Variants in TMEM135 observed in about 807,000 individuals in gnomAD.
TMEM135 encodes the protein peroxisomal membrane protein 52.
Under a neutral mutation model 60.3 loss-of-function variants are expected in TMEM135, and 30 were observed. The observed-to-expected ratio is 0.50, with a 90% CI of 0.37 to 0.68. The LOEUF is 0.68. Among genes scored for constraint, TMEM135 ranks in the 30% least tolerant of loss-of-function variants. The probability of loss-of-function intolerance (pLI) is 0.00; values close to 1 mark genes in which losing one functional copy is unlikely to be tolerated. For missense variants in TMEM135, 468 were observed against 548.8 expected, an observed-to-expected ratio of 0.85 and a Z score of 1.47; for synonymous variants, 190 against 186.7, an observed-to-expected ratio of 1.02 and a Z score of -0.14.
intron 4 of TMEM135, among the ~76,000 whole-genome samples, chr11:87,117,158 A>T (rs549205188): frequency 5.3e-5 from 8 of 152,190 alleles, no homozygotes; most frequent in African/African-American, 1.2e-4. Flanking sequence ...CACATTAATT[A>T]AAAAAAACTT....
chr11:87,120,398 G>T (rs552858564), intron 4 of TMEM135, among the ~76,000 whole-genome samples: 6 of 149,414 alleles, frequency 4.0e-5, no homozygotes, highest in Admixed American at 6.7e-5. Context: ...ATGAACCACT[G>T]TTCTGGACTA....
intron 6 of TMEM135, among the ~76,000 whole-genome samples, chr11:87,292,586 A>G (rs1033175052): frequency 2.0e-5 from 3 of 147,626 alleles, no homozygotes; most frequent in African/African-American, 5.0e-5. Flanking sequence ...ATTGTGTTTC[A>G]TAGTTAGGTT....
intron 4 of TMEM135, among the ~76,000 whole-genome samples, chr11:87,140,125 TG>T (rs1409559051): frequency 6.6e-6 from 1 of 152,112 alleles, no homozygotes; most frequent in African/African-American, 2.4e-5. Flanking sequence ...TGCAGTGCAA[TG>T]GTGTGATCTC....
rs1197292636 is a variant in TMEM135, at chr11:87,322,698, A to G, written c.*1365A>G. On this transcript the variant is annotated 3_prime_UTR_variant, in exon 15 of 15. Coordinates refer to ENST00000305494, the MANE Select transcript of TMEM135 (RefSeq NM_022918.4). ...TATAACCCATACTTTAAAAATGCTT[A>G]ATCCCTCATATTCAATTTCATCAAG... The G allele has an allele frequency of 2.2e-6, 1 of 453,906 alleles. No individual in the cohort carries two copies. Among genetic ancestry groups the G allele is most frequent in the Non-Finnish European group, 4.4e-6 (1 of 226,742 alleles). 28.1% of individuals were successfully genotyped at this position (453,906 alleles called of 1,614,324 possible).
chr11:87,209,834 A>T (rs1940320554), intron 5 of TMEM135, among the ~76,000 whole-genome samples: 1 of 152,222 alleles, frequency 6.6e-6, no homozygotes, highest in African/African-American at 2.4e-5. Context: ...ATTGGACCAC[A>T]GTGCAATAAA....
At chr11:87,107,015 G>A (rs1591024034) in intron 4 of TMEM135, among the ~76,000 whole-genome samples, 1 of 152,094 alleles carries the variant, frequency 6.6e-6, no homozygotes, top group Non-Finnish European at 1.5e-5. Context: ...ACGAGAACTC[G>A]CTATCACGAA....
chr11:87,233,796 T>C (rs907013298), intron 5 of TMEM135, among the ~76,000 whole-genome samples: 5 of 152,086 alleles, frequency 3.3e-5, no homozygotes, highest in Non-Finnish European at 7.4e-5. Flanking sequence ...TCAGTGAGTA[T>C]GGGCATATCA....
At chr11:87,042,287 C>G (rs141536417) in intron 1 of TMEM135, among the ~76,000 whole-genome samples, 1 of 152,332 alleles carries the variant, frequency 6.6e-6, no homozygotes, top group Non-Finnish European at 1.5e-5. Context: ...CTTGGCCTCT[C>G]TGAGCATTCC....
chr11:87,183,331 C>T (rs1015931529), intron 5 of TMEM135, among the ~76,000 whole-genome samples: 11 of 150,500 alleles, frequency 7.3e-5, no homozygotes, highest in Admixed American at 1.3e-4. Flanking sequence ...TTAGTAGTGA[C>T]GGGGTTTCAC....
chr11:87,199,951 T>A (rs1025088581), intron 5 of TMEM135, among the ~76,000 whole-genome samples: 1 of 152,058 alleles, frequency 6.6e-6, no homozygotes, highest in Non-Finnish European at 1.5e-5. Context: ...AATACATAAC[T>A]TGGGTTTGTA....
rs192699437 is a variant in TMEM135 at position 87,122,937 on chromosome 11, A to G, written c.396+31542A>G. 3.0e-4 allele frequency among the ~76,000 whole-genome samples: 45 copies of G among 152,330 alleles called. 1 individual carries two copies. The highest frequency in any genetic ancestry group is 9.6e-4 in the African/African-American group (40 of 41,574). ...TAACTTTTTCTATTTAGAGCTTCAC[A>G]GTAAATTTTGCCAGCTTTGTGGGTC... is the stretch of plus-strand genomic sequence containing the variant. On this transcript the variant is annotated intron_variant, in intron 4 of 14. Transcript: ENST00000305494.
chr11:87,248,880 G>T (rs1248777123), intron 6 of TMEM135, among the ~76,000 whole-genome samples: 1 of 151,862 alleles, frequency 6.6e-6, no homozygotes, highest in Non-Finnish European at 1.5e-5. Context: ...ATTGTAAATG[G>T]GATTACTTTC....
At chr11:87,043,342 G>T (rs1197593985) in intron 1 of TMEM135, among the ~76,000 whole-genome samples, 2 of 151,990 alleles carry the variant, frequency 1.3e-5, no homozygotes, top group East Asian at 3.8e-4. Context: ...ATATATTTTA[G>T]AATTTTATAT....
chr11:87,078,040 C>T (rs1006573352), intron 3 of TMEM135, among the ~76,000 whole-genome samples: 1 of 152,176 alleles, frequency 6.6e-6, no homozygotes, highest in Non-Finnish European at 1.5e-5. Context: ...CTACACTAAA[C>T]ATTTGTGGAC....
At chr11:87,112,983 T>G (rs957118443) in intron 4 of TMEM135, among the ~76,000 whole-genome samples, 1 of 152,084 alleles carries the variant, frequency 6.6e-6, no homozygotes, top group Non-Finnish European at 1.5e-5. Context: ...TTTTGCACTT[T>G]GGCGTGCAGA....
At chr11:87,156,420 G>C (rs1032685910) in intron 4 of TMEM135, among the ~76,000 whole-genome samples, 4 of 152,104 alleles carry the variant, frequency 2.6e-5, no homozygotes, top group Admixed American at 2.6e-4. Flanking sequence ...TTTTAATAGG[G>C]ATTGCATTGA....
intron 6 of TMEM135, among the ~76,000 whole-genome samples, chr11:87,247,807 C>T (rs1205036774): frequency 2.6e-5 from 4 of 152,096 alleles, no homozygotes; most frequent in Non-Finnish European, 5.9e-5. Context: ...CTTGTGCTTC[C>T]CAAGTGAGGC....
chr11:87,079,100 G>A (rs1350321485), intron 3 of TMEM135, among the ~76,000 whole-genome samples: 1 of 152,062 alleles, frequency 6.6e-6, no homozygotes, highest in Non-Finnish European at 1.5e-5. Flanking sequence ...CCACCTGCCT[G>A]GTTCAAGCAA....
intron 5 of TMEM135, among the ~76,000 whole-genome samples, chr11:87,222,323 C>A (rs1940643375): frequency 6.7e-6 from 1 of 149,156 alleles, no homozygotes; most frequent in South Asian, 2.1e-4. Flanking sequence ...GGTGAAACCC[C>A]GTCTCTACTA....
Sources: gnomAD v4.1 joint callset for allele counts (sites outside exome capture counted in the v4.1 genomes callset) on GRCh38, gnomAD v4.1.1 for gene constraint, MANE v1.5 for transcripts, NCBI Gene and HGNC (gene_info 2026-07-23, HGNC 2026-07-21) for gene names.